DMD: variants seen among roughly 807,000 people sequenced by gnomAD.
The protein encoded by DMD is mutant dystrophin.
Under a neutral mutation model 330.1 loss-of-function variants are expected in DMD, and 63 were observed. The observed-to-expected ratio is 0.19, with a 90% CI of 0.16 to 0.24. DMD has a LOEUF of 0.24. DMD is among the 10% of genes least tolerant of loss of function. The pLI, the probability that DMD is intolerant of heterozygous loss-of-function variation, is 1.00. For missense variants in DMD, 3,344 were observed against 2,684.1 expected (o/e 1.25, Z -5.43); for synonymous variants, 1,223 against 959.8 (o/e 1.27, Z -5.07).
chrX:31,832,172 T>C (rs1261958407), intron 49 of DMD, among the ~76,000 whole-genome samples: 1 of 112,287 alleles, frequency 8.9e-6, no homozygotes, highest in African/African-American at 3.2e-5. Context: ...AGATGATTTA[T>C]GAAATCCAAG....
chrX:31,756,491 C>T (rs761688075), intron 51 of DMD, among the ~76,000 whole-genome samples: 14 of 112,254 alleles, frequency 1.2e-4, no homozygotes, highest in South Asian at 7.2e-4. Context: ...CACACACACG[C>T]GCATGCACGC....
chrX:31,504,324 T>A (rs1214152896), intron 56 of DMD, among the ~76,000 whole-genome samples: 2 of 111,909 alleles, frequency 1.8e-5, no homozygotes, highest in African/African-American at 6.5e-5. Flanking sequence ...TATGAGCCAA[T>A]GGAATACAAA....
chrX:32,407,191 C>G (rs776810166), intron 30 of DMD, among the ~76,000 whole-genome samples: 2 of 111,196 alleles, frequency 1.8e-5, no homozygotes, highest in East Asian at 5.7e-4. Context: ...AACAGGCAAC[C>G]TACAGAATGG....
At chrX:32,744,901 C>T (rs2069779710) in intron 7 of DMD, among the ~76,000 whole-genome samples, 2 of 111,735 alleles carry the variant, frequency 1.8e-5, no homozygotes, top group Middle Eastern at 4.6e-3. Flanking sequence ...GGCAGTGATG[C>T]GGGGTGGGAG....
intron 55 of DMD, among the ~76,000 whole-genome samples, chrX:31,526,598 C>T (rs184881373): frequency 1.2e-3 from 131 of 111,672 alleles, no homozygotes; most frequent in Non-Finnish European, 2.1e-3. Flanking sequence ...TCAAGAAGTA[C>T]GGAAAAGAAA....
At chrX:31,911,847 A>G (rs1348731070) in intron 47 of DMD, among the ~76,000 whole-genome samples, 2 of 111,585 alleles carry the variant, frequency 1.8e-5, no homozygotes, top group South Asian at 7.6e-4. Flanking sequence ...GAGGAACTCA[A>G]TGTCAACCAT....
At chrX:31,816,794 TCACA>T (rs759346277) in intron 50 of DMD, among the ~76,000 whole-genome samples, 15 of 85,341 alleles carry the variant, frequency 1.8e-4, no homozygotes, top group African/African-American at 2.7e-4. Context: ...CAAGATTCTG[TCACA>T]CACACACACA....
chrX:31,646,829 G>A (rs1230988458), intron 54 of DMD, among the ~76,000 whole-genome samples: 1 of 112,041 alleles, frequency 8.9e-6, no homozygotes, highest in African/African-American at 3.2e-5. Context: ...TGATGAGGCC[G>A]CAACGCACTG....
At chrX:31,156,350 C>T (rs1385821201) in intron 74 of DMD, among the ~76,000 whole-genome samples, 2 of 112,110 alleles carry the variant, frequency 1.8e-5, no homozygotes, top group Admixed American at 1.9e-4. Flanking sequence ...GTGATATCTG[C>T]ATTTTAAAAC....
intron 44 of DMD, among the ~76,000 whole-genome samples, chrX:32,133,110 G>A (rs1468003949): frequency 2.9e-5 from 3 of 104,655 alleles, no homozygotes; most frequent in African/African-American, 1.1e-4. Context: ...CTAGGTACAA[G>A]CAATTCTTCT....
chrX:32,632,387 T>C (rs1009907943), intron 11 of DMD, among the ~76,000 whole-genome samples: 1 of 111,520 alleles, frequency 9.0e-6, no homozygotes, highest in Non-Finnish European at 1.9e-5. Context: ...AAGCTGTCAG[T>C]GGATCTACCA....
At position 32,411,750 on chromosome X, in the gene DMD, G is replaced by A. The variant is rs147474070; in HGVS notation, c.4233+2C>T. On this transcript the variant is annotated splice_donor_variant, in intron 30 of 78. Coordinates refer to ENST00000357033, the MANE Select transcript of DMD (RefSeq NM_004006.3). LOFTEE classifies it low-confidence loss of function (GC_TO_GT_DONOR). ...TGGAAGCTGATTCCCAGATGTACTT[G>A]CCTGGGCTTCCTGAGGCATTTGAGC... The A allele has an allele frequency of 8.2e-4, 992 of 1,208,749 alleles. 1 individual carries two copies. The highest frequency in any genetic ancestry group is 1.9e-3 in the Admixed American group (89 of 45,648).
chrX:33,133,012 G>A (rs2095507818), intron 1 of DMD, among the ~76,000 whole-genome samples: 1 of 111,791 alleles, frequency 8.9e-6, no homozygotes, highest in East Asian at 2.8e-4. Context: ...ATCAAATGAT[G>A]CATACAAAAT....
intron 1 of DMD, among the ~76,000 whole-genome samples, chrX:33,044,887 A>G (rs776526065): frequency 3.6e-5 from 4 of 112,357 alleles, no homozygotes; most frequent in Admixed American, 1.9e-4. Flanking sequence ...ATAGTTGTAT[A>G]AAAATATGCC....
intron 52 of DMD, 29 bp downstream of exon 52, chrX:31,729,602 G>A (rs767215025): frequency 9.0e-7 from 1 of 1,105,034 alleles, no homozygotes; most frequent in East Asian, 3.0e-5. Flanking sequence ...ATCTTGCTTT[G>A]TGTGTCCCAT....
chrX:31,885,146 T>C (rs1023304377), intron 47 of DMD, among the ~76,000 whole-genome samples: 1 of 111,122 alleles, frequency 9.0e-6, no homozygotes, highest in South Asian at 3.8e-4. Flanking sequence ...ACATAACATT[T>C]TCTAAAATTA....
At chrX:32,744,413 A>C (rs2069710671) in intron 7 of DMD, among the ~76,000 whole-genome samples, 1 of 110,419 alleles carries the variant, frequency 9.1e-6, no homozygotes, top group Non-Finnish European at 1.9e-5. Context: ...TCTTCTCATA[A>C]GGCATATTCT....
At chrX:32,389,775 C>T in intron 31 of DMD, 101 bp from the exon 32 acceptor site, 1 of 842,898 alleles carries the variant, frequency 1.2e-6, no homozygotes, top group Non-Finnish European at 1.7e-6. Context: ...TGAAGATATA[C>T]AGAAAAATAA....
intron 19 of DMD, among the ~76,000 whole-genome samples, chrX:32,498,614 C>T (rs767532032): frequency 8.1e-5 from 9 of 111,230 alleles, no homozygotes; most frequent in Non-Finnish European, 1.3e-4. Context: ...GAATCTCTTA[C>T]GGTCAATAAA....
Sources: allele counts gnomAD v4.1 joint callset (sites outside exome capture counted in the v4.1 genomes callset), GRCh38; gene constraint gnomAD v4.1.1; transcripts MANE v1.5; gene names NCBI Gene and HGNC (gene_info 2026-07-23, HGNC 2026-07-21).